Variants in IREB2 observed in about 807,000 individuals in gnomAD.
The protein encoded by IREB2 is iron-responsive element-binding protein 2.
A neutral mutation model predicts 118.8 loss-of-function variants in IREB2; 39 were observed. The observed-to-expected ratio is 0.33, with a 90% confidence interval of 0.25 to 0.43. The LOEUF (loss-of-function observed/expected upper bound fraction) is 0.43, where lower values mean the gene tolerates loss of function less well. IREB2 is among the 20% of genes least tolerant of loss of function. The pLI is 1.00. For missense variants in IREB2, 900 were observed against 1,147.3 expected, an observed-to-expected ratio of 0.78 and a Z score of 3.11; for synonymous variants, 372 against 392.2, an observed-to-expected ratio of 0.95 and a Z score of 0.61.
At chr15:78,461,853 A>C (rs1719183822) in intron 2 of IREB2, among the ~76,000 whole-genome samples, 1 of 152,218 alleles carries the variant, frequency 6.6e-6, no homozygotes, top group African/African-American at 2.4e-5. Context: ...ACAATCTCTG[A>C]ATAGCAGCAC....
chr15:78,438,642 G>A, intron 1 of IREB2: 1 of 473,472 alleles, frequency 2.1e-6, no homozygotes, highest in East Asian at 3.5e-5. Context: ...CCTGCTGCCA[G>A]CGGCTTCCTG....
Position 78,471,911 on chromosome 15 carries a change from G to A in IREB2, c.870G>A (p.Gly290=). ...ACATAACGATGGTGAATGGTTTAGG[G>A]ATTCTGGGGTGGGGTAAGTAAATGA... is the stretch of plus-strand genomic sequence containing the variant. ...DSHITMVNGL[G]ILGWGVGGIE... Residue 290 remains glycine, a synonymous_variant, in exon 7 of 22, where the codon GGG becomes GGA. Coordinates refer to ENST00000258886, the MANE Select transcript of IREB2 (RefSeq NM_004136.4). The A allele has an allele frequency of 6.3e-7, 1 of 1,588,266 alleles. No individual in the cohort carries two copies. Among genetic ancestry groups the A allele is most frequent in the Non-Finnish European group, 8.6e-7 (1 of 1,167,378 alleles).
intron 2 of IREB2, among the ~76,000 whole-genome samples, chr15:78,450,501 G>C (rs1280403036): frequency 2.6e-5 from 4 of 152,204 alleles, no homozygotes; most frequent in Non-Finnish European, 5.9e-5. Flanking sequence ...TGGGTAGGCA[G>C]TAGGCCACCC....
In IREB2 at chr15:78,470,601, G is replaced by A; in HGVS notation, c.699G>A (p.Lys233=). The part of the protein sequence containing the change: ...GRNRERLQFF[K]WSSRVFKNVA... The stretch of plus-strand genomic sequence containing the variant: ...ATCGAGAGAGGCTTCAGTTTTTTAA[G>A]GTATAAATGATTCAGGGAAATTTTT... Residue 233 remains lysine, a splice_region_variant and synonymous_variant, in exon 6 of 22, where the codon AAG becomes AAA. Transcript: ENST00000258886. 1 of 1,536,640 alleles carries A rather than the reference G, an allele frequency of 6.5e-7. No individual in the cohort carries two copies. The highest frequency in any genetic ancestry group is 1.2e-5 in the South Asian group (1 of 81,128).
In IREB2 at chr15:78,438,329, T is replaced by C; in HGVS notation, c.-9T>C. On this transcript the variant is annotated 5_prime_UTR_variant, in exon 1 of 22. Transcript: ENST00000258886. ...CCCCCTCCCCGGAGGGATAATATGG[T>C]CTCCGGCGATGGACGCCCCAAAAGC... 6.3e-7 allele frequency: 1 copy of C among 1,590,454 alleles called. No homozygotes were observed. The highest frequency in any genetic ancestry group is 8.6e-7 in the Non-Finnish European group (1 of 1,169,288).
intron 2 of IREB2, among the ~76,000 whole-genome samples, chr15:78,446,297 G>A (rs1430088633): frequency 1.3e-5 from 2 of 152,050 alleles, no homozygotes; most frequent in Non-Finnish European, 2.9e-5. Flanking sequence ...CATCCTACTA[G>A]TCCATGTATA....
chr15:78,466,200 C>A, intron 4 of IREB2, 71 bp from the exon 5 acceptor site: 1 of 964,014 alleles, frequency 1.0e-6, no homozygotes, highest in Non-Finnish European at 1.6e-6. Context: ...TGCTAATGTG[C>A]GTTTTTTTTT....
At chr15:78,484,662 A>T in intron 11 of IREB2, 99 bp from the exon 12 acceptor site, 3 of 790,596 alleles carry the variant, frequency 3.8e-6, no homozygotes, top group Non-Finnish European at 6.0e-6. Flanking sequence ...TTTTAATGTT[A>T]AATCATCAAA....
At chr15:78,495,093 G>C (rs959005061) in intron 20 of IREB2, among the ~76,000 whole-genome samples, 1 of 152,188 alleles carries the variant, frequency 6.6e-6, no homozygotes, top group African/African-American at 2.4e-5. Flanking sequence ...CATGTGACAT[G>C]TGCTTTTTGC....
chr15:78,463,834 G>A (rs542850974), intron 3 of IREB2, among the ~76,000 whole-genome samples: 6 of 152,200 alleles, frequency 3.9e-5, no homozygotes, highest in Non-Finnish European at 7.4e-5. Flanking sequence ...ATGAGCCACC[G>A]TACCCAGCCA....
At chr15:78,440,084 A>T (rs1387374504) in intron 2 of IREB2, among the ~76,000 whole-genome samples, 5 of 152,216 alleles carry the variant, frequency 3.3e-5, no homozygotes, top group Admixed American at 3.3e-4. Context: ...CTTCTCATTT[A>T]AAAATCTAAG....
At position 78,438,276 on chromosome 15, in the gene IREB2, C is replaced by T. The variant is rs889340331; in HGVS notation, c.-62C>T. ...CCTGTCTTCCTCCCCGTCTTCCCTG[C>T]CCGGCCTCCCCCTTCTTCCCCCGCT... On this transcript the variant is annotated 5_prime_UTR_variant, in exon 1 of 22. Transcript: ENST00000258886. The T allele has an allele frequency of 5.2e-6, 7 of 1,341,746 alleles. No homozygotes were observed. Among genetic ancestry groups the T allele is most frequent in the East Asian group, 4.9e-5 (2 of 40,862 alleles). 83.1% of individuals were successfully genotyped at this position (1,341,746 alleles called of 1,614,324 possible).
At chr15:78,461,171 TATTTACAA>T (rs1185502892) in intron 2 of IREB2, among the ~76,000 whole-genome samples, 2 of 152,224 alleles carry the variant, frequency 1.3e-5, no homozygotes, top group Non-Finnish European at 2.9e-5. Context: ...TATACCAAGA[TATTTACAA>T]ATTGGCTAAC....
Position 78,490,422 on chromosome 15 carries a change from A to T in IREB2, c.2077A>T (p.Met693Leu). The T allele has an allele frequency of 6.3e-7, 1 of 1,583,136 alleles. No homozygotes were observed. Among genetic ancestry groups the T allele is most frequent in the Non-Finnish European group, 8.6e-7 (1 of 1,169,052 alleles). Residue 693 changes from methionine to leucine, a missense_variant and splice_region_variant, in exon 17 of 22, where the codon ATG becomes TTG. Physicochemically the swap from Met to Leu is conservative, Grantham distance 15 (BLOSUM62 2). Transcript: ENST00000258886. ...TCATCAACGAAAACTGTATTCACAG[A>T]TGGGGAATAAACGGTGGAATTCCTT... ...MFKALKDKIE[M>L]GNKRWNSLEA... is the part of the protein sequence containing the mutation.
At chr15:78,450,827 TGTG>T (rs2051012689) in intron 2 of IREB2, among the ~76,000 whole-genome samples, 1 of 9,340 alleles carries the variant, frequency 1.1e-4, no homozygotes, top group African/African-American at 3.7e-4. Context: ...AACAAATTTG[TGTG>T]TGTGTGTGTG....
chr15:78,483,124 T>C (rs1233900587), intron 10 of IREB2, among the ~76,000 whole-genome samples, 194 bp from the exon 11 acceptor site: 1 of 152,212 alleles, frequency 6.6e-6, no homozygotes, highest in Non-Finnish European at 1.5e-5. Flanking sequence ...CAAATTTTCA[T>C]GTTTCGTACA....
chr15:78,456,645 G>C (rs1346900729), intron 2 of IREB2, among the ~76,000 whole-genome samples: 3 of 150,188 alleles, frequency 2.0e-5, no homozygotes, highest in South Asian at 4.2e-4. Flanking sequence ...TAGCTTGGGT[G>C]ACAGAGCAAG....
At chr15:78,480,585 A>T (rs2141505222) in intron 10 of IREB2, among the ~76,000 whole-genome samples, 1 of 149,966 alleles carries the variant, frequency 6.7e-6, no homozygotes, top group African/African-American at 2.4e-5. Context: ...GCTACTCAGG[A>T]GGCTGAGGCA....
Position 78,439,812 on chromosome 15 carries a change from C to G in IREB2, c.37C>G (p.Leu13Val). ...APKAGYAFEY[L>V]IETLNDSSHK... The stretch of plus-strand genomic sequence containing the variant: ...TTTTTCAGGATACGCCTTTGAGTAC[C>G]TTATTGAAACATTAAATGACAGTTC... The change falls in exon 2 of 22, where the codon CTT (leucine) becomes GTT (valine). Residue 13 changes from leucine (L) to valine (V), a missense_variant. By Grantham distance (32) the Leu-to-Val change is conservative. Transcript: ENST00000258886. 1 of 1,590,936 alleles carries G rather than the reference C, an allele frequency of 6.3e-7. No homozygotes were observed. Among genetic ancestry groups the G allele is most frequent in the East Asian group, 2.3e-5 (1 of 44,098 alleles).
Sources: gnomAD v4.1 joint callset for allele counts (sites outside exome capture counted in the v4.1 genomes callset) on GRCh38, gnomAD v4.1.1 for gene constraint, MANE v1.5 for transcripts, NCBI Gene and HGNC (gene_info 2026-07-23, HGNC 2026-07-21) for gene names.